Variants in NREP observed in about 807,000 individuals in gnomAD.
The protein encoded by NREP is neuronal regeneration related protein.
A neutral mutation model predicts 8.6 loss-of-function variants in NREP; 5 were observed. The ratio of observed to expected loss-of-function variants is 0.58; its 90% CI spans 0.30 to 1.22. The LOEUF (loss-of-function observed/expected upper bound fraction) is 1.22. Ranked by LOEUF, NREP falls within the 50% of genes most tolerant of loss-of-function variation. NREP has a pLI of 0.07. For missense variants in NREP, 86 were observed against 82.5 expected (o/e 1.04, Z -0.17); for synonymous variants, 27 against 28.0 (o/e 0.96, Z 0.11).
intron 2 of NREP, among the ~76,000 whole-genome samples, chr5:111,783,932 G>C (rs1459140352): frequency 6.6e-6 from 1 of 152,162 alleles, no homozygotes; most frequent in Non-Finnish European, 1.5e-5. Context: ...CTAATTATAA[G>C]ACCTTCCTAC....
chr5:111,948,331 C>G (rs1372069554), intron 2 of NREP, among the ~76,000 whole-genome samples: 2 of 152,096 alleles, frequency 1.3e-5, no homozygotes, highest in African/African-American at 4.8e-5. Context: ...TGGATAAATG[C>G]TAGCCAAGTC....
intron 3 of NREP, chr5:111,734,560 C>T (rs1748926466): frequency 4.5e-6 from 2 of 440,826 alleles, no homozygotes; most frequent in African/African-American, 2.0e-5. Flanking sequence ...GATACAACCT[C>T]TTCAGTTTCT....
intron 2 of NREP, among the ~76,000 whole-genome samples, chr5:111,837,967 G>T (rs1023132267): frequency 1.3e-5 from 2 of 151,844 alleles, no homozygotes; most frequent in East Asian, 1.9e-4. Flanking sequence ...ATGCAATTTT[G>T]CTAATTAATC....
chr5:111,913,756 C>G (rs1255999741), intron 2 of NREP, among the ~76,000 whole-genome samples: 1 of 151,972 alleles, frequency 6.6e-6, no homozygotes, highest in Non-Finnish European at 1.5e-5. Context: ...CTACCTTCTC[C>G]CCGTCTCTGG....
At chr5:111,900,566 A>G (rs1754623439) in intron 2 of NREP, among the ~76,000 whole-genome samples, 1 of 152,086 alleles carries the variant, frequency 6.6e-6, no homozygotes, top group African/African-American at 2.4e-5. Flanking sequence ...AAAATCAGAA[A>G]CACAAAAGAG....
intron 2 of NREP, among the ~76,000 whole-genome samples, chr5:111,792,090 A>G (rs970580942): frequency 6.6e-6 from 1 of 152,214 alleles, no homozygotes; most frequent in Non-Finnish European, 1.5e-5. Flanking sequence ...TGAAGAAACT[A>G]TCTGTTTCTC....
intron 2 of NREP, among the ~76,000 whole-genome samples, chr5:111,764,278 G>A (rs1751030710): frequency 6.6e-6 from 1 of 152,086 alleles, no homozygotes; most frequent in Non-Finnish European, 1.5e-5. Context: ...GAGGGGGTTG[G>A]CCCAAAAAGA....
Position 111,953,711 on chromosome 5 carries a change from T to C in NREP, c.135+21563A>G, listed in dbSNP as rs1337845003. On this transcript the variant is annotated intron_variant, in intron 2 of 3. Coordinates refer to the NREP transcript ENST00000395634. ...CCAGGAAGAATAGAACAGGGAACAATGAATTCTGCTTGGGAAAGAGGAGGA... is the reference window on the plus strand; with the variant it reads ...CCAGGAAGAATAGAACAGGGAACAACGAATTCTGCTTGGGAAAGAGGAGGA... Among the ~76,000 whole-genome samples the C allele has an allele frequency of 3.3e-5, 5 of 151,946 alleles. No homozygotes were observed. The East Asian group carries it at 9.7e-4, about 29-fold the overall frequency.
At chr5:111,757,708 C>T (rs1283092747), upstream of NREP, 1 of 984,516 alleles carries the variant, frequency 1.0e-6, no homozygotes, top group African/African-American at 1.8e-5. Flanking sequence ...AAAGCGGACC[C>T]GCAGCTCTGC....
At chr5:111,795,831 C>T (rs756768236) in intron 2 of NREP, among the ~76,000 whole-genome samples, 4 of 152,158 alleles carry the variant, frequency 2.6e-5, no homozygotes, top group Non-Finnish European at 5.9e-5. Flanking sequence ...CAGAAATATG[C>T]ATTTATTAAT....
chr5:111,948,518 T>C (rs777464093), intron 2 of NREP, among the ~76,000 whole-genome samples: 4 of 152,128 alleles, frequency 2.6e-5, no homozygotes, highest in Non-Finnish European at 5.9e-5. Context: ...TTCAATTCTA[T>C]TGAGTTCAAA....
intron 2 of NREP, among the ~76,000 whole-genome samples, chr5:111,902,473 T>G (rs1754669710): frequency 6.6e-6 from 1 of 152,132 alleles, no homozygotes; most frequent in South Asian, 2.1e-4. Context: ...TAACAGGAGA[T>G]GAAACGTGGT....
intron 2 of NREP, among the ~76,000 whole-genome samples, chr5:111,748,939 A>T (rs950810878): frequency 3.9e-5 from 6 of 152,202 alleles, no homozygotes; most frequent in African/African-American, 1.4e-4. Flanking sequence ...ACATAAGAAG[A>T]TTCCTGCTGA....
intron 2 of NREP, among the ~76,000 whole-genome samples, chr5:111,853,371 C>G (rs1753354235): frequency 6.7e-6 from 1 of 149,552 alleles, no homozygotes; most frequent in African/African-American, 2.5e-5. Context: ...GTTGAGTGAA[C>G]CCTAATGTAA....
At chr5:111,862,389 G>A (rs1753562662) in intron 2 of NREP, among the ~76,000 whole-genome samples, 2 of 152,240 alleles carry the variant, frequency 1.3e-5, no homozygotes, top group South Asian at 4.1e-4. Context: ...TTCCAGAAAA[G>A]GAAGCTGTAA....
intron 2 of NREP, among the ~76,000 whole-genome samples, chr5:111,945,285 CT>C (rs530602193): frequency 2.4e-4 from 37 of 151,502 alleles, no homozygotes; most frequent in East Asian, 3.9e-4. Context: ...TTATAAAGAA[CT>C]TTTTTTTTAT....
chr5:111,735,600 A>G (rs3797723), intron 2 of NREP, 93 bp from the exon 3 acceptor site: 97,454 of 817,832 alleles, frequency 0.12, 6,459 homozygotes, highest in East Asian at 0.25. Context: ...ATTCTCCTCA[A>G]TGGTTACTTA....
chr5:111,886,992 G>GA, intron 2 of NREP, among the ~76,000 whole-genome samples: 1 of 146,930 alleles, frequency 6.8e-6, no homozygotes, highest in Non-Finnish European at 1.5e-5. Context: ...ATAAAAAATA[G>GA]AAAAAATAAA....
At chr5:111,873,435 C>G (rs1008991286) in intron 2 of NREP, among the ~76,000 whole-genome samples, 2 of 152,138 alleles carry the variant, frequency 1.3e-5, no homozygotes, top group African/African-American at 4.8e-5. Context: ...AGAGGATACT[C>G]CATTTTCTGC....
Sources: gnomAD v4.1 joint callset for allele counts (sites outside exome capture counted in the v4.1 genomes callset) on GRCh38, gnomAD v4.1.1 for gene constraint, MANE v1.5 for transcripts, NCBI Gene and HGNC (gene_info 2026-07-23, HGNC 2026-07-21) for gene names.